The following CTNNA3 variants were observed in gnomAD, a reference collection of about 807,000 sequenced individuals.
CTNNA3 encodes catenin alpha 3, also known as catenin alpha-3.
A neutral mutation model predicts 95.7 loss-of-function variants in CTNNA3; 76 were observed. The observed-to-expected ratio is 0.79, with a 90% CI of 0.66 to 0.96. The LOEUF (loss-of-function observed/expected upper bound fraction) is 0.96, where lower values mean the gene tolerates loss of function less well. Among genes scored for constraint, CTNNA3 ranks in the 40% least tolerant of loss-of-function variants. The pLI, the probability that CTNNA3 is intolerant of heterozygous loss-of-function variation, is 0.00. For missense variants in CTNNA3, 1,191 were observed against 1,089.8 expected (o/e 1.09, Z -1.31); for synonymous variants, 431 against 374.4 (o/e 1.15, Z -1.74).
intron 7 of CTNNA3, among the ~76,000 whole-genome samples, chr10:66,895,006 T>C (rs540702826): frequency 3.1e-5 from 4 of 130,906 alleles, no homozygotes; most frequent in African/African-American, 8.7e-5. Context: ...TATTTATATA[T>C]AATTGTGCCA....
chr10:66,780,365 A>T (rs1268666147), intron 7 of CTNNA3, among the ~76,000 whole-genome samples: 1 of 148,774 alleles, frequency 6.7e-6, no homozygotes, highest in African/African-American at 2.5e-5. Flanking sequence ...ATGCAATGGC[A>T]GTCAGGATAA....
At chr10:67,624,121 C>T (rs983764489) in intron 2 of CTNNA3, among the ~76,000 whole-genome samples, 8 of 152,078 alleles carry the variant, frequency 5.3e-5, no homozygotes, top group African/African-American at 1.9e-4. Flanking sequence ...TGCGCCCAGC[C>T]GATTATTTTA....
At chr10:67,019,110 T>C (rs1852832849) in intron 7 of CTNNA3, among the ~76,000 whole-genome samples, 1 of 152,238 alleles carries the variant, frequency 6.6e-6, no homozygotes, top group Non-Finnish European at 1.5e-5. Flanking sequence ...CAAGTTCAAA[T>C]ATGGTAGGAT....
At chr10:67,299,155 A>G (rs920280020) in intron 5 of CTNNA3, among the ~76,000 whole-genome samples, 3 of 151,932 alleles carry the variant, frequency 2.0e-5, no homozygotes, top group African/African-American at 7.3e-5. Context: ...CCTTAGTTAT[A>G]TCTTTTATGG....
intron 2 of CTNNA3, among the ~76,000 whole-genome samples, chr10:67,639,438 C>A (rs1839444721): frequency 6.6e-6 from 1 of 152,160 alleles, no homozygotes; most frequent in Admixed American, 6.5e-5. Context: ...TGAGGAGGAG[C>A]TGGTACCATT....
At chr10:66,336,696 A>T (rs2092400465) in intron 12 of CTNNA3, among the ~76,000 whole-genome samples, 1 of 151,890 alleles carries the variant, frequency 6.6e-6, no homozygotes, top group Admixed American at 6.6e-5. Flanking sequence ...CTTTCCAATA[A>T]TTTTTTTCAA....
At chr10:67,648,862 G>A in intron 1 of CTNNA3, 1 of 1,100,342 alleles carries the variant, frequency 9.1e-7, no homozygotes, top group South Asian at 1.4e-5. Flanking sequence ...AAACACTATT[G>A]CCAAATGGTT....
chr10:66,651,803 C>CCTTGATCGCGGCACACAGCAGCGCA lies in CTNNA3; in HGVS notation c.1282-30020_1282-30019insTGCGCTGCTGTGTGCCGCGATCAAG, dbSNP rs574438926. On this transcript the variant is annotated intron_variant, in intron 9 of 17. Transcript: ENST00000433211. ...ACGCCCACCCAGAACCCGCATTGGC[C>CCTTGATCGCGGCACACAGCAGCGCA]GGTTCCCACCCGCGCCTCTCCCTCT... Among the ~76,000 whole-genome samples the CCTTGATCGCGGCACACAGCAGCGCA allele has an allele frequency of 4.6e-5, 7 of 152,114 alleles. No homozygotes were observed. The East Asian group carries it at 1.4e-3, about 30-fold the overall frequency.
intron 9 of CTNNA3, among the ~76,000 whole-genome samples, chr10:66,688,897 C>T (rs998974497): frequency 6.6e-6 from 1 of 150,510 alleles, no homozygotes; most frequent in Non-Finnish European, 1.5e-5. Flanking sequence ...TGGCGTGAAC[C>T]TGGGAGGTGG....
rs190828942 is a variant in CTNNA3 at position 67,132,093 on chromosome 10, A to G, written c.1047+48224T>C. On this transcript the variant is annotated intron_variant, in intron 7 of 17. Transcript: ENST00000433211. ...TAAGATAGCATCAGTGTGAATAGACAGACAAGGATAGAGCAAAATTAAGAC... is the reference window on the plus strand; with the variant it reads ...TAAGATAGCATCAGTGTGAATAGACGGACAAGGATAGAGCAAAATTAAGAC... Among the ~76,000 whole-genome samples, 5 of 152,272 alleles carry G rather than the reference A, an allele frequency of 3.3e-5. No homozygotes were observed. The East Asian group carries it at 9.6e-4, about 29-fold the overall frequency.
chr10:67,328,000 C>G (rs926538643), intron 5 of CTNNA3, among the ~76,000 whole-genome samples: 4 of 152,154 alleles, frequency 2.6e-5, no homozygotes, highest in African/African-American at 4.8e-5. Context: ...AAGGGCAGAG[C>G]ACTGGCGGGG....
chr10:66,488,814 G>T (rs1426369937), intron 11 of CTNNA3, among the ~76,000 whole-genome samples: 1 of 151,890 alleles, frequency 6.6e-6, no homozygotes, highest in Non-Finnish European at 1.5e-5. Flanking sequence ...CTCCAAAAAA[G>T]CCTAGAGCAA....
At chr10:67,173,379 C>T (rs1414734162) in intron 7 of CTNNA3, among the ~76,000 whole-genome samples, 1 of 152,120 alleles carries the variant, frequency 6.6e-6, no homozygotes, top group African/African-American at 2.4e-5. Context: ...TCCATTCCCC[C>T]GTTTCAATAT....
chr10:67,305,639 T>C (rs978033592), intron 5 of CTNNA3, among the ~76,000 whole-genome samples: 17 of 151,950 alleles, frequency 1.1e-4, no homozygotes, highest in Non-Finnish European at 2.2e-4. Flanking sequence ...GGGGCAAGAC[T>C]AGAAGTGGGG....
chr10:67,633,476 T>C (rs1839210584), intron 2 of CTNNA3, among the ~76,000 whole-genome samples: 1 of 152,064 alleles, frequency 6.6e-6, no homozygotes, highest in South Asian at 2.1e-4. Flanking sequence ...ACAGGCACAT[T>C]AGGAACAGCA....
At chr10:67,417,989 T>C (rs1335680462) in intron 5 of CTNNA3, among the ~76,000 whole-genome samples, 2 of 152,102 alleles carry the variant, frequency 1.3e-5, no homozygotes, top group African/African-American at 4.8e-5. Flanking sequence ...ATAAGCAGCA[T>C]GGAGCAGAAT....
chr10:67,480,283 A>G (rs1589337007), intron 5 of CTNNA3, among the ~76,000 whole-genome samples: 1 of 152,356 alleles, frequency 6.6e-6, no homozygotes, highest in East Asian at 1.9e-4. Flanking sequence ...TGGCAAAGAC[A>G]CAAAAAGATA....
chr10:67,443,043 G>T (rs1296576902), intron 5 of CTNNA3, among the ~76,000 whole-genome samples: 1 of 147,944 alleles, frequency 6.8e-6, no homozygotes, highest in African/African-American at 2.5e-5. Context: ...AGAACATGCG[G>T]TGTTTGGTTT....
chr10:66,520,834 G>A (rs1841040500), intron 10 of CTNNA3, 61 bp from the exon 11 acceptor site: 12 of 1,325,114 alleles, frequency 9.1e-6, no homozygotes, highest in Middle Eastern at 2.0e-4. Flanking sequence ...TTTGGGTGAT[G>A]GGCACACTAA....
Sources: allele counts gnomAD v4.1 joint callset (sites outside exome capture counted in the v4.1 genomes callset), GRCh38; gene constraint gnomAD v4.1.1; transcripts MANE v1.5; gene names NCBI Gene and HGNC (gene_info 2026-07-23, HGNC 2026-07-21).